Variants in TENM2 observed in about 807,000 individuals in gnomAD.
The protein encoded by TENM2 is teneurin transmembrane protein 2.
In TENM2, 52 loss-of-function variants were observed where a neutral mutation model predicts 245.2. The observed-to-expected ratio is 0.21, with a 90% confidence interval of 0.17 to 0.27. The LOEUF (loss-of-function observed/expected upper bound fraction) is 0.27. Among genes scored for constraint, TENM2 ranks in the 10% least tolerant of loss-of-function variants. TENM2 has a pLI of 1.00. For missense variants in TENM2, 3,046 were observed against 3,666.8 expected, an observed-to-expected ratio of 0.83 and a Z score of 4.37; for synonymous variants, 1,363 against 1,438.9, an observed-to-expected ratio of 0.95 and a Z score of 1.19.
At chr5:167,350,146 G>C (rs1236292916) in intron 1 of TENM2, among the ~76,000 whole-genome samples, 1 of 152,090 alleles carries the variant, frequency 6.6e-6, no homozygotes, top group Non-Finnish European at 1.5e-5. Flanking sequence ...ATCTGAGTTT[G>C]AGTCCCTGTT....
Position 167,776,593 on chromosome 5 carries a change from G to GAAAAAAAAAAAAAAA in TENM2, c.503-99374_503-99360dup, listed in dbSNP as rs869252752. 1.2e-3 allele frequency among the ~76,000 whole-genome samples: 44 copies of GAAAAAAAAAAAAAAA among 36,028 alleles called. 5 individuals are homozygous for GAAAAAAAAAAAAAAA. The highest frequency in any genetic ancestry group is 1.7e-3 in the Non-Finnish European group (30 of 17,818). The allele number at this position is 36,028 out of a possible 152,430, so 23.6% of individuals were successfully genotyped here. A position where few individuals can be genotyped will look rare whatever the true frequency, so the allele number is the denominator to read the frequency against. On this transcript the variant is annotated intron_variant, in intron 2 of 28. Transcript: ENST00000518659. ...TTGGGCAGCAGATGAGACCCTGTCT[G>GAAAAAAAAAAAAAAA]AAAAAAAAAAAAAAAAAAAAAAAAA...
chr5:167,637,672 A>G (rs982612576), intron 2 of TENM2, among the ~76,000 whole-genome samples: 1 of 152,200 alleles, frequency 6.6e-6, no homozygotes, highest in African/African-American at 2.4e-5. Flanking sequence ...CTTTGCAGGG[A>G]CATGGATGAA....
At chr5:167,116,613 C>T in the TENM2 span, 12 of 151,762 alleles carry the variant, frequency 7.9e-5, no homozygotes, top group Admixed American at 2.6e-4. Context: ...TAGCCTGGCT[C>T]GGGATATCCT....
chr5:167,746,955 G>A (rs866318401), intron 2 of TENM2, among the ~76,000 whole-genome samples: 2 of 152,250 alleles, frequency 1.3e-5, no homozygotes, highest in Middle Eastern at 3.4e-3. Context: ...CAACGTGTTA[G>A]CATAGTGCAA....
At chr5:167,446,317 T>C (rs1376066714) in intron 2 of TENM2, among the ~76,000 whole-genome samples, 2 of 152,048 alleles carry the variant, frequency 1.3e-5, no homozygotes, top group Non-Finnish European at 2.9e-5. Flanking sequence ...GATCAGTGCA[T>C]GTAAGCATTC....
intron 2 of TENM2, among the ~76,000 whole-genome samples, chr5:167,690,917 GCGAGTA>G (rs1344558323): frequency 1.1e-4 from 14 of 126,112 alleles, no homozygotes; most frequent in African/African-American, 4.0e-4. Flanking sequence ...ATCCGTATAT[GCGAGTA>G]TGTGTGTGTG....
At chr5:167,201,267 G>A in the TENM2 span, among the ~76,000 whole-genome samples, 1 of 152,100 alleles carries the variant, frequency 6.6e-6, no homozygotes, top group Non-Finnish European at 1.5e-5. Context: ...TAATATTCAA[G>A]TAAAGGCAAA....
chr5:167,115,302 A>T, the TENM2 span, among the ~76,000 whole-genome samples: 1 of 152,164 alleles, frequency 6.6e-6, no homozygotes. Context: ...ATTCAGCTTT[A>T]AAAAAATATT....
At chr5:167,305,748 A>C (rs1417101840) in intron 1 of TENM2, among the ~76,000 whole-genome samples, 2 of 152,228 alleles carry the variant, frequency 1.3e-5, no homozygotes, top group Non-Finnish European at 2.9e-5. Context: ...AACAGAAGGC[A>C]TCTTATTTCA....
At chr5:168,200,045 A>G (rs1761793544) in exon 17 of TENM2, 2 of 1,613,944 alleles carry the variant, frequency 1.2e-6, no homozygotes, top group African/African-American at 2.7e-5. Flanking sequence ...AAGTCATTCC[A>G]GGCTTCTCCC....
the TENM2 span, among the ~76,000 whole-genome samples, chr5:167,123,630 A>G: frequency 6.6e-6 from 1 of 152,176 alleles, no homozygotes; most frequent in African/African-American, 2.4e-5. Flanking sequence ...AACCCACTCT[A>G]AAGGGATGCC....
rs187830430 is a variant in TENM2, at chr5:168,004,444, C to T, written c.1186+11262C>T. ...AGGCCATGGCTAGTGGTAGTGGGGACTTGGGAGTGGAGCAGTGAAAGAGAA... is the reference window on the plus strand; with the variant it reads ...AGGCCATGGCTAGTGGTAGTGGGGATTTGGGAGTGGAGCAGTGAAAGAGAA... On this transcript the variant is annotated intron_variant, in intron 5 of 28. Coordinates refer to ENST00000518659, the Ensembl canonical transcript of TENM2. Among the ~76,000 whole-genome samples, 23 of 151,492 alleles carry T rather than the reference C, an allele frequency of 1.5e-4. No homozygotes were observed. The East Asian group carries it at 4.5e-3, about 30-fold the overall frequency.
At chr5:168,055,779 C>A (rs140866591) in intron 6 of TENM2, among the ~76,000 whole-genome samples, 1 of 152,136 alleles carries the variant, frequency 6.6e-6, no homozygotes, top group Non-Finnish European at 1.5e-5. Flanking sequence ...GTACAACATG[C>A]AGAAGCACCC....
At chr5:167,107,533 C>T in the TENM2 span, among the ~76,000 whole-genome samples, 2 of 152,010 alleles carry the variant, frequency 1.3e-5, no homozygotes, top group Admixed American at 6.6e-5. Flanking sequence ...AATGGCTTTA[C>T]AAAAAATTTT....
chr5:168,057,812 C>T (rs1348979305), intron 6 of TENM2, among the ~76,000 whole-genome samples: 1 of 152,008 alleles, frequency 6.6e-6, no homozygotes, highest in Non-Finnish European at 1.5e-5. Context: ...AAATAAAATT[C>T]AGTTTACATG....
At chr5:167,056,582 AATATATCTATATAAAT>A in the TENM2 span, among the ~76,000 whole-genome samples, 6 of 145,588 alleles carry the variant, frequency 4.1e-5, no homozygotes, top group South Asian at 4.2e-4. Flanking sequence ...TATCTATATA[AATATATCTATATAAAT>A]ATATATCTAT....
At chr5:167,574,320 T>A (rs1774492384) in intron 2 of TENM2, among the ~76,000 whole-genome samples, 1 of 152,208 alleles carries the variant, frequency 6.6e-6, no homozygotes, top group Non-Finnish European at 1.5e-5. Flanking sequence ...TACGTTAAAT[T>A]CTAAACAGCT....
chr5:167,773,509 A>G (rs529067251), intron 2 of TENM2, among the ~76,000 whole-genome samples: 47 of 152,274 alleles, frequency 3.1e-4, no homozygotes, highest in Non-Finnish European at 6.0e-4. Context: ...TGAGGTTACA[A>G]TTGAGAATTC....
chr5:167,965,618 TA>T (rs1424390333), intron 4 of TENM2: 3 of 152,198 alleles, frequency 2.0e-5, no homozygotes, highest in African/African-American at 7.2e-5. Flanking sequence ...AGAAATTTGT[TA>T]AATTTATTTC....
Sources: allele counts gnomAD v4.1 joint callset (sites outside exome capture counted in the v4.1 genomes callset), GRCh38; gene constraint gnomAD v4.1.1; transcripts MANE v1.5; gene names NCBI Gene and HGNC (gene_info 2026-07-23, HGNC 2026-07-21).